ANKDD1B: variants seen among roughly 807,000 people sequenced by gnomAD.
The protein encoded by ANKDD1B is ankyrin repeat and death domain-containing protein 1B.
ANKDD1B carries 57 observed loss-of-function variants against 59.7 expected under a neutral mutation model. That is an observed-to-expected ratio of 0.95 (90% CI 0.77 to 1.19). ANKDD1B has a LOEUF of 1.19. Ranked by LOEUF, ANKDD1B falls within the 50% of genes most tolerant of loss-of-function variation. ANKDD1B has a pLI of 0.00. For synonymous variants in ANKDD1B, 216 were observed against 239.5 expected (o/e 0.90, Z 0.91); for missense variants, 602 against 641.9 (o/e 0.94, Z 0.67).
At chr5:75,661,255 G>A (rs60389922) in intron 10 of ANKDD1B, among the ~76,000 whole-genome samples, 10,319 of 151,044 alleles carry the variant, frequency 0.068, 553 homozygotes, top group South Asian at 0.17. Flanking sequence ...AAATCAGCCG[G>A]GCATGGTGAT....
chr5:75,671,084 C>A lies in ANKDD1B; in HGVS notation c.*44C>A. Reference sequence around the variant, plus strand: ...TTTACATGATTTTCCACTCAGCATTCAGTTCTTTTAATGCCATAAATTTCT... The same window carrying A: ...TTTACATGATTTTCCACTCAGCATTAAGTTCTTTTAATGCCATAAATTTCT... On this transcript the variant is annotated 3_prime_UTR_variant, in exon 14 of 14. Transcript: ENST00000601380. 1 of 983,244 alleles carries A rather than the reference C, an allele frequency of 1.0e-6. No homozygotes were observed. Among genetic ancestry groups the A allele is most frequent in the Non-Finnish European group, 1.3e-6 (1 of 760,708 alleles). 60.9% of individuals were successfully genotyped at this position (983,244 alleles called of 1,614,324 possible). A position where few individuals can be genotyped will look rare whatever the true frequency, so the allele number is the denominator to read the frequency against.
chr5:75,664,614 G>T (rs1316513723), intron 11 of ANKDD1B, among the ~76,000 whole-genome samples: 4 of 151,816 alleles, frequency 2.6e-5, no homozygotes, highest in African/African-American at 9.7e-5. Context: ...TCTTTAACTT[G>T]CTTTCACATT....
chr5:75,636,945 G>A (rs185277112), intron 7 of ANKDD1B, among the ~76,000 whole-genome samples: 4 of 151,874 alleles, frequency 2.6e-5, no homozygotes, highest in Admixed American at 6.6e-5. Context: ...GAGTGTTAGC[G>A]AGCTGGAAAC....
At chr5:75,642,270 C>T (rs11956112) in intron 7 of ANKDD1B, among the ~76,000 whole-genome samples, 6 of 151,778 alleles carry the variant, frequency 4.0e-5, no homozygotes, top group Non-Finnish European at 8.8e-5. Context: ...GGAACAGCTC[C>T]GGTCTACAGC....
rs1199353137 is a variant in ANKDD1B, at chr5:75,620,392, C to T, written c.375C>T (p.Ala125=). ...TGGATTTCTTGCTTAAACACAAGGC[C>T]AGGGTGGATGTTGCTGATAAGGTAA... ...SAVDFLLKHK[A]RVDVADKHGL... The change falls in exon 3 of 14, where the codon GCC becomes GCT. Residue 125 remains alanine (A), a synonymous_variant. Coordinates refer to ENST00000601380, the MANE Select transcript of ANKDD1B (RefSeq NM_001276713.2). 1 of 1,533,658 alleles carries T rather than the reference C, an allele frequency of 6.5e-7. No homozygotes were observed.
intron 6 of ANKDD1B, 79 bp from the exon 7 acceptor site, chr5:75,635,704 AC>A: frequency 1.1e-6 from 1 of 875,112 alleles, no homozygotes; most frequent in East Asian, 2.8e-5. Flanking sequence ...ACTTCCAGAA[AC>A]TCCATTGCAG....
At position 75,653,083 on chromosome 5, in the gene ANKDD1B, A is replaced by G; in HGVS notation, c.799-59A>G. On this transcript the variant is annotated intron_variant, in intron 7 of 13. Coordinates refer to ENST00000601380, the MANE Select transcript of ANKDD1B (RefSeq NM_001276713.2). ...AACTGATTACCATGTCATAAACACC[A>G]GAAAACATGCTGAATTATAATGAGA... is the stretch of plus-strand genomic sequence containing the variant. 2.5e-6 allele frequency: 3 copies of G among 1,184,406 alleles called. No individual in the cohort carries two copies. The East Asian group carries it at 7.7e-5, about 30-fold the overall frequency. 73.4% of individuals were successfully genotyped at this position (1,184,406 alleles called of 1,614,324 possible). A position where few individuals can be genotyped will look rare whatever the true frequency, so the allele number is the denominator to read the frequency against.
chr5:75,650,580 A>G (rs1042072291), intron 7 of ANKDD1B, among the ~76,000 whole-genome samples: 1 of 152,190 alleles, frequency 6.6e-6, no homozygotes, highest in African/African-American at 2.4e-5. Flanking sequence ...TATAACAACA[A>G]TAGAAAACTA....
intron 5 of ANKDD1B, among the ~76,000 whole-genome samples, chr5:75,628,580 CA>C (rs1457202078): frequency 2.0e-5 from 3 of 152,170 alleles, no homozygotes; most frequent in Non-Finnish European, 4.4e-5. Context: ...TTCTTATCAA[CA>C]GAAAGTGATT....
chr5:75,621,120 C>T (rs1480256843), intron 3 of ANKDD1B, among the ~76,000 whole-genome samples: 8 of 152,204 alleles, frequency 5.3e-5, no homozygotes, highest in Non-Finnish European at 1.2e-4. Flanking sequence ...CTGCTGCTAC[C>T]CCTACCACTG....
At chr5:75,625,107 C>T (rs1773955522) in intron 3 of ANKDD1B, among the ~76,000 whole-genome samples, 1 of 152,044 alleles carries the variant, frequency 6.6e-6, no homozygotes, top group African/African-American at 2.4e-5. Context: ...GATAGATTCC[C>T]AGGAGTGGGA....
At position 75,671,777 on chromosome 5, in the gene ANKDD1B, T is replaced by G. The variant is rs182132508; in HGVS notation, c.*737T>G. ...TGTACTTTTGGGTACATTCCATTCT[T>G]TTTTTCACAAAGAACATGCATTATT... is the stretch of plus-strand genomic sequence containing the variant. On this transcript the variant is annotated 3_prime_UTR_variant, in exon 14 of 14. Transcript: ENST00000601380. 1.1e-4 allele frequency: 3 copies of G among 26,200 alleles called. No homozygotes were observed. 1.6% of individuals were successfully genotyped at this position (26,200 alleles called of 1,614,324 possible).
At chr5:75,656,447 C>G (rs370342088) in intron 9 of ANKDD1B, among the ~76,000 whole-genome samples, 21 of 152,136 alleles carry the variant, frequency 1.4e-4, no homozygotes, top group African/African-American at 4.8e-4. Flanking sequence ...AGCCACTCCC[C>G]CAGAGTGAAA....
intron 10 of ANKDD1B, among the ~76,000 whole-genome samples, chr5:75,661,950 A>G (rs1446514062): frequency 8.2e-6 from 1 of 122,288 alleles, no homozygotes; most frequent in Non-Finnish European, 1.6e-5. Flanking sequence ...TTCTAGGACC[A>G]TGTTAGGGTC....
At position 75,641,393 on chromosome 5, in the gene ANKDD1B, T is replaced by G. The variant is rs564040129; in HGVS notation, c.798+5511T>G. On this transcript the variant is annotated intron_variant, in intron 7 of 13. Transcript: ENST00000601380. Reference sequence around the variant, plus strand: ...TGTAATGAAAACTCATGACAAAAAATTTGAATAGCACCAAAGGGTATATGA... The same window carrying G: ...TGTAATGAAAACTCATGACAAAAAAGTTGAATAGCACCAAAGGGTATATGA... Among the ~76,000 whole-genome samples, 3 of 152,272 alleles carry G rather than the reference T, an allele frequency of 2.0e-5. No homozygotes were observed. In the East Asian group the frequency reaches 5.8e-4, roughly 29 times the overall value.
intron 7 of ANKDD1B, among the ~76,000 whole-genome samples, chr5:75,650,387 G>A (rs1390820226): frequency 6.6e-6 from 1 of 152,182 alleles, no homozygotes; most frequent in East Asian, 1.9e-4. Context: ...GTGAGCCAAA[G>A]AACATAGGAG....
chr5:75,642,280 C>T (rs1581143872), intron 7 of ANKDD1B, among the ~76,000 whole-genome samples: 2 of 152,068 alleles, frequency 1.3e-5, no homozygotes, highest in East Asian at 1.9e-4. Flanking sequence ...CGGTCTACAG[C>T]TCCCAGCGTG....
At chr5:75,670,660 G>A (rs532168340) in intron 13 of ANKDD1B, among the ~76,000 whole-genome samples, 17 of 152,306 alleles carry the variant, frequency 1.1e-4, no homozygotes, top group Admixed American at 1.0e-3. Flanking sequence ...AGGGTTAAAT[G>A]TATTCTTCCT....
chr5:75,669,650 T>C (rs1395044452), intron 13 of ANKDD1B, among the ~76,000 whole-genome samples: 1 of 152,138 alleles, frequency 6.6e-6, no homozygotes, highest in Admixed American at 6.5e-5. Flanking sequence ...TTTTTGTTTA[T>C]GTGTATGTGT....
Sources: allele counts gnomAD v4.1 joint callset (sites outside exome capture counted in the v4.1 genomes callset), GRCh38; gene constraint gnomAD v4.1.1; transcripts MANE v1.5; gene names NCBI Gene and HGNC (gene_info 2026-07-23, HGNC 2026-07-21).